PSD3: variants seen among roughly 807,000 people sequenced by gnomAD.
PSD3 encodes the protein PH and SEC7 domain-containing protein 3.
A neutral mutation model predicts 105.5 loss-of-function variants in PSD3; 49 were observed. The observed-to-expected ratio is 0.46, with a 90% confidence interval of 0.37 to 0.59. The LOEUF (loss-of-function observed/expected upper bound fraction) is 0.59. Ranked by LOEUF, PSD3 falls within the 20% of genes least tolerant of loss-of-function variation. The pLI is 0.00. For missense variants in PSD3, 1,561 were observed against 1,263.8 expected (o/e 1.24, Z -3.57); for synonymous variants, 557 against 457.8 (o/e 1.22, Z -2.77).
intron 8 of PSD3, among the ~76,000 whole-genome samples, chr8:18,781,911 G>C (rs1808673906): frequency 6.6e-6 from 1 of 151,896 alleles, no homozygotes; most frequent in Non-Finnish European, 1.5e-5. Context: ...TATCTGCTCA[G>C]GTTATTTCAA....
chr8:18,674,194 G>A (rs1321717118), intron 9 of PSD3, among the ~76,000 whole-genome samples: 1 of 152,072 alleles, frequency 6.6e-6, no homozygotes, highest in Non-Finnish European at 1.5e-5. Context: ...TATCAAAGCA[G>A]GGGAGGGCAT....
rs564281825 is a variant in PSD3, at chr8:18,719,055, G to C, written c.2172+46394C>G. Among the ~76,000 whole-genome samples, 24 of 152,250 alleles carry C rather than the reference G, an allele frequency of 1.6e-4. 1 individual carries two copies. The South Asian group carries it at 4.6e-3, about 29-fold the overall frequency. Reference sequence around the variant, plus strand: ...ATAACAGAGTTATCCTAGATCAGGAGAATGAGGCTAAAAGGAAAAAGCTAA... The same window carrying C: ...ATAACAGAGTTATCCTAGATCAGGACAATGAGGCTAAAAGGAAAAAGCTAA... On this transcript the variant is annotated intron_variant, in intron 9 of 15. Coordinates refer to ENST00000327040, the MANE Select transcript of PSD3 (RefSeq NM_015310.4).
At position 18,872,539 on chromosome 8, in the gene PSD3, C is replaced by T. The variant is rs754340666; in HGVS notation, c.325G>A (p.Glu109Lys). Residue 109 changes from glutamate (E) to lysine (K), a missense_variant, in exon 3 of 16, where the codon GAA becomes AAA. By Grantham distance (56) the Glu-to-Lys change is moderately conservative. Transcript: ENST00000327040. The part of the protein sequence containing the change: ...GCHSGLDSVT[E>K]GPKDVREAPS... ...GCCTCTCTGACATCTTTTGGTCCTTCTGTAACACTGTCGAGCCCAGAGTGG... is the reference window on the plus strand; with the variant it reads ...GCCTCTCTGACATCTTTTGGTCCTTTTGTAACACTGTCGAGCCCAGAGTGG... The T allele has an allele frequency of 6.2e-7, 1 of 1,613,932 alleles. No homozygotes were observed. The highest frequency in any genetic ancestry group is 8.5e-7 in the Non-Finnish European group (1 of 1,180,000).
intron 9 of PSD3, among the ~76,000 whole-genome samples, chr8:18,758,252 G>A (rs144826786): frequency 5.9e-5 from 9 of 152,266 alleles, no homozygotes; most frequent in African/African-American, 2.2e-4. Flanking sequence ...AACAATGAGA[G>A]TGGGAAGATC....
chr8:18,661,922 A>G (rs1809378435), intron 9 of PSD3, among the ~76,000 whole-genome samples: 1 of 152,190 alleles, frequency 6.6e-6, no homozygotes, highest in Non-Finnish European at 1.5e-5. Flanking sequence ...TAGAGAATGT[A>G]TATTCATAAG....
chr8:18,770,001 TGGG>T (rs1807361255), intron 8 of PSD3, among the ~76,000 whole-genome samples: 1 of 152,150 alleles, frequency 6.6e-6, no homozygotes, highest in Non-Finnish European at 1.5e-5. Context: ...TATTTAGGAG[TGGG>T]ATTATTGAGT....
intron 2 of PSD3, among the ~76,000 whole-genome samples, chr8:18,900,477 C>T (rs996749875): frequency 1.3e-5 from 2 of 152,096 alleles, no homozygotes; most frequent in African/African-American, 4.8e-5. Context: ...CCATTTGGTA[C>T]ATATCAAGCA....
intron 2 of PSD3, among the ~76,000 whole-genome samples, chr8:18,906,738 A>G (rs1819876434): frequency 1.3e-5 from 2 of 152,246 alleles, no homozygotes; most frequent in African/African-American, 4.8e-5. Flanking sequence ...AAAAACAAGT[A>G]AGTTCCAAAT....
At chr8:19,071,700 T>C (rs1456871958) in intron 1 of PSD3, among the ~76,000 whole-genome samples, 6 of 139,302 alleles carry the variant, frequency 4.3e-5, no homozygotes, top group African/African-American at 1.6e-4. Context: ...ATTTCACGTG[T>C]CTGCCTCCGA....
At chr8:18,638,362 T>C (rs1243333960) in intron 10 of PSD3, among the ~76,000 whole-genome samples, 1 of 151,038 alleles carries the variant, frequency 6.6e-6, no homozygotes, top group Non-Finnish European at 1.5e-5. Flanking sequence ...TCTCTGATGC[T>C]GACATAATCT....
At chr8:18,948,023 A>T (rs1472946190) in intron 1 of PSD3, among the ~76,000 whole-genome samples, 1 of 152,228 alleles carries the variant, frequency 6.6e-6, no homozygotes, top group African/African-American at 2.4e-5. Context: ...ACAACCGACT[A>T]TTATGAGTTC....
chr8:18,579,559 G>A (rs1316032750), intron 12 of PSD3, among the ~76,000 whole-genome samples: 1 of 152,216 alleles, frequency 6.6e-6, no homozygotes, highest in East Asian at 1.9e-4. Flanking sequence ...CACCAAGAAT[G>A]TGATTTCACA....
intron 8 of PSD3, among the ~76,000 whole-genome samples, chr8:18,768,849 T>C (rs549589296): frequency 1.3e-5 from 2 of 152,338 alleles, no homozygotes; most frequent in South Asian, 2.1e-4. Flanking sequence ...AAAGAATGCA[T>C]AGTTTGTATG....
At position 18,599,450 on chromosome 8, in the gene PSD3, C is replaced by T. The variant is rs181166457; in HGVS notation, c.2481+914G>A. Among the ~76,000 whole-genome samples, 388 of 152,258 alleles carry T rather than the reference C, an allele frequency of 2.5e-3. 1 individual carries two copies. The highest frequency in any genetic ancestry group is 9.0e-3 in the African/African-American group (374 of 41,538). The stretch of plus-strand genomic sequence containing the variant: ...TGAAGAGATATTTGCACCCCATGTT[C>T]ATTGCGGCATTACTCACAAAAGGTG... On this transcript the variant is annotated intron_variant, in intron 12 of 15. Coordinates refer to ENST00000327040, the MANE Select transcript of PSD3 (RefSeq NM_015310.4).
intron 9 of PSD3, among the ~76,000 whole-genome samples, chr8:18,731,322 G>A (rs759486932): frequency 1.3e-5 from 2 of 152,140 alleles, no homozygotes; most frequent in Non-Finnish European, 2.9e-5. Flanking sequence ...ATGGACTAAT[G>A]CACTCATGGA....
intron 1 of PSD3, among the ~76,000 whole-genome samples, chr8:19,005,074 G>C (rs913264043): frequency 6.6e-6 from 1 of 151,996 alleles, no homozygotes; most frequent in Non-Finnish European, 1.5e-5. Flanking sequence ...ATCATCATTA[G>C]TCATTAGAGA....
chr8:18,933,272 C>T (rs1460091756), intron 2 of PSD3, among the ~76,000 whole-genome samples: 1 of 152,034 alleles, frequency 6.6e-6, no homozygotes, highest in African/African-American at 2.4e-5. Context: ...GGGAAAACTA[C>T]TCAAAACCCA....
rs369499870 is a variant in PSD3, at chr8:18,868,013, C to A, written c.1295G>T (p.Gly432Val). 1.1e-5 allele frequency: 17 copies of A among 1,613,834 alleles called. No individual in the cohort carries two copies. In the East Asian group the frequency reaches 2.5e-4, roughly 23 times the overall value. The change falls in exon 4 of 16, where the codon GGA becomes GTA. Residue 432 changes from glycine to valine, a missense_variant. By Grantham distance (109) the Gly-to-Val change is moderately radical. Transcript: ENST00000327040. The stretch of plus-strand genomic sequence containing the variant: ...CACGTCGGTGGAGTCCTCCGTATAT[C>A]CAGGCCCAAGGATGTCTTCATCTTC... ...KGEDEDILGP[G>V]YTEDSTDVYS...
chr8:18,626,734 A>G (rs935642400), intron 11 of PSD3, among the ~76,000 whole-genome samples: 2 of 152,140 alleles, frequency 1.3e-5, no homozygotes, highest in Non-Finnish European at 2.9e-5. Context: ...TAGATTTCCA[A>G]GAAGGAGCAG....
Sources: allele counts gnomAD v4.1 joint callset (sites outside exome capture counted in the v4.1 genomes callset), GRCh38; gene constraint gnomAD v4.1.1; transcripts MANE v1.5; gene names NCBI Gene and HGNC (gene_info 2026-07-23, HGNC 2026-07-21).